TMEM267: variants seen among roughly 807,000 people sequenced by gnomAD.
TMEM267 encodes the protein transmembrane protein C5orf28.
TMEM267 carries 20 observed loss-of-function variants against 19.3 expected under a neutral mutation model. The ratio of observed to expected loss-of-function variants is 1.04; its 90% CI spans 0.73 to 1.51. TMEM267 has a LOEUF of 1.51. TMEM267 is among the 40% of genes most tolerant of loss of function. The pLI is 0.00. For synonymous variants in TMEM267, 88 were observed against 90.3 expected (o/e 0.97, Z 0.15); for missense variants, 242 against 261.9 (o/e 0.92, Z 0.52).
chr5:43,464,995 A>C (rs1465926274), intron 1 of TMEM267, among the ~76,000 whole-genome samples: 1 of 152,224 alleles, frequency 6.6e-6, no homozygotes, highest in Non-Finnish European at 1.5e-5. Context: ...ACAGCAAAAG[A>C]AACTACCATC....
intron 1 of TMEM267, among the ~76,000 whole-genome samples, chr5:43,476,847 A>C (rs1459670116): frequency 6.6e-6 from 1 of 151,744 alleles, no homozygotes; most frequent in East Asian, 1.9e-4. Flanking sequence ...TATGGTTCCA[A>C]GTGCAAGGAA....
Position 43,465,328 on chromosome 5 carries a change from G to T in TMEM267, c.-74-11285C>A, listed in dbSNP as rs528356485. On this transcript the variant is annotated intron_variant, in intron 1 of 2. Coordinates refer to ENST00000397080, the MANE Select transcript of TMEM267 (RefSeq NM_022483.5). ...AACAACAGGTGCTGGAGAGGATGTG[G>T]ATGTGGAGAAATAGGGACACTTTTA... 2.6e-5 allele frequency among the ~76,000 whole-genome samples: 4 copies of T among 152,314 alleles called. No homozygotes were observed. In the East Asian group the frequency reaches 7.7e-4, roughly 29 times the overall value.
intron 1 of TMEM267, among the ~76,000 whole-genome samples, chr5:43,454,775 C>T (rs936083929): frequency 6.6e-6 from 1 of 152,188 alleles, no homozygotes; most frequent in African/African-American, 2.4e-5. Context: ...ATCCCCTTTA[C>T]ATTTCTGATG....
chr5:43,461,560 C>T (rs929423711), intron 1 of TMEM267, among the ~76,000 whole-genome samples: 21 of 152,236 alleles, frequency 1.4e-4, no homozygotes, highest in African/African-American at 4.6e-4. Flanking sequence ...GAGCCCACTG[C>T]CCTAAAGGGT....
At chr5:43,473,553 T>C (rs1471544989) in intron 1 of TMEM267, among the ~76,000 whole-genome samples, 5 of 152,124 alleles carry the variant, frequency 3.3e-5, no homozygotes, top group African/African-American at 4.8e-5. Flanking sequence ...TTACAAGGGA[T>C]ATGAAGGACC....
intron 2 of TMEM267, among the ~76,000 whole-genome samples, chr5:43,449,546 A>C (rs1371231202): frequency 6.6e-6 from 1 of 152,242 alleles, no homozygotes. Flanking sequence ...AAGACAATTT[A>C]GTAGAGCTAT....
intron 1 of TMEM267, among the ~76,000 whole-genome samples, chr5:43,456,373 C>T (rs954928463): frequency 3.3e-5 from 5 of 151,996 alleles, no homozygotes; most frequent in Admixed American, 2.0e-4. Flanking sequence ...CCTTGGGTCA[C>T]GCAAAGAGTT....
At chr5:43,476,124 T>A (rs1485669522) in intron 1 of TMEM267, 1 of 152,240 alleles carries the variant, frequency 6.6e-6, no homozygotes, top group African/African-American at 2.4e-5. Context: ...CTTGCTGGCA[T>A]GGGGAAGAAG....
At chr5:43,464,659 A>G (rs1233767638) in intron 1 of TMEM267, among the ~76,000 whole-genome samples, 1 of 152,274 alleles carries the variant, frequency 6.6e-6, no homozygotes, top group Admixed American at 6.5e-5. Flanking sequence ...CCACATATCT[A>G]CAACCATCTG....
chr5:43,481,404 C>T (rs1284044997), intron 1 of TMEM267, among the ~76,000 whole-genome samples: 1 of 151,936 alleles, frequency 6.6e-6, no homozygotes, highest in African/African-American at 2.4e-5. Context: ...ACCGAACCTA[C>T]TAACTCTACA....
rs1007717051 is a variant in TMEM267, at chr5:43,448,531, C to A, written c.313-1974G>T. On this transcript the variant is annotated intron_variant, in intron 2 of 2. Transcript: ENST00000397080. ...GTGGCTCACGCCTCTAATCCCAGCA[C>A]TTTGAGAGGCTGAGGCGGGCTGATC... 5.3e-5 allele frequency among the ~76,000 whole-genome samples: 8 copies of A among 152,258 alleles called. No homozygotes were observed. In the South Asian group the frequency reaches 1.7e-3, roughly 32 times the overall value.
chr5:43,461,424 C>T (rs1743256246), intron 1 of TMEM267, among the ~76,000 whole-genome samples: 1 of 152,132 alleles, frequency 6.6e-6, no homozygotes, highest in Non-Finnish European at 1.5e-5. Context: ...CTAAAGGGGA[C>T]TTTGCCTTTC....
intron 1 of TMEM267, among the ~76,000 whole-genome samples, chr5:43,479,313 A>G (rs1437170777): frequency 6.6e-6 from 1 of 151,966 alleles, no homozygotes; most frequent in Non-Finnish European, 1.5e-5. Context: ...TTTGTTTCTC[A>G]GCGGTGGGCT....
chr5:43,462,879 C>T (rs1743358327), intron 1 of TMEM267, among the ~76,000 whole-genome samples: 1 of 152,090 alleles, frequency 6.6e-6, no homozygotes, highest in African/African-American at 2.4e-5. Flanking sequence ...ATTAAAACAA[C>T]TAGAAAAGCA....
intron 1 of TMEM267, among the ~76,000 whole-genome samples, chr5:43,480,937 T>G (rs1744725198): frequency 6.6e-6 from 1 of 150,776 alleles, no homozygotes. Flanking sequence ...CCCGAGTAGC[T>G]GGGACTACAG....
At chr5:43,483,540 G>C (rs944165176) in intron 1 of TMEM267, among the ~76,000 whole-genome samples, 5 of 152,160 alleles carry the variant, frequency 3.3e-5, no homozygotes, top group African/African-American at 1.2e-4. Context: ...GAGGGCTGGG[G>C]TTCTAGGGAT....
At chr5:43,475,846 A>C (rs746892732) in intron 1 of TMEM267, among the ~76,000 whole-genome samples, 51 of 152,210 alleles carry the variant, frequency 3.4e-4, no homozygotes, top group Admixed American at 7.2e-4. Context: ...CAAGAATTAA[A>C]ATAGCAAGAA....
intron 1 of TMEM267, among the ~76,000 whole-genome samples, chr5:43,464,071 A>C (rs1464891662): frequency 3.3e-5 from 5 of 152,236 alleles, no homozygotes; most frequent in Non-Finnish European, 5.9e-5. Flanking sequence ...GTCTCAGCCC[A>C]AAATCTCCTT....
chr5:43,466,028 A>T (rs895516591), intron 1 of TMEM267, among the ~76,000 whole-genome samples: 7 of 151,868 alleles, frequency 4.6e-5, no homozygotes, highest in Non-Finnish European at 8.8e-5. Context: ...TTAAAACTTT[A>T]AAAAAAATAG....
Sources: gnomAD v4.1 joint callset for allele counts (sites outside exome capture counted in the v4.1 genomes callset) on GRCh38, gnomAD v4.1.1 for gene constraint, MANE v1.5 for transcripts, NCBI Gene and HGNC (gene_info 2026-07-23, HGNC 2026-07-21) for gene names.